The following CBLN2 variants were observed in gnomAD, a reference collection of about 807,000 sequenced individuals.
CBLN2 encodes cerebellin 2 precursor.
Under a neutral mutation model 15.0 loss-of-function variants are expected in CBLN2, and 7 were observed. The observed-to-expected ratio is 0.47, with a 90% CI of 0.27 to 0.88. The LOEUF (loss-of-function observed/expected upper bound fraction) is 0.88. CBLN2 is among the 40% of genes least tolerant of loss of function. CBLN2 has a pLI of 0.14. For missense variants in CBLN2, 242 were observed against 304.5 expected (o/e 0.79, Z 1.53); for synonymous variants, 149 against 135.2 (o/e 1.10, Z -0.71).
At chr18:72,556,320 G>T (rs1385935513) in intron 1 of CBLN2, among the ~76,000 whole-genome samples, 1 of 152,146 alleles carries the variant, frequency 6.6e-6, no homozygotes, top group African/African-American at 2.4e-5. Context: ...AAATAAGAAT[G>T]TCAGGTCTGC....
chr18:72,551,107 A>G (rs1163483693), intron 1 of CBLN2, among the ~76,000 whole-genome samples: 2 of 152,016 alleles, frequency 1.3e-5, no homozygotes, highest in African/African-American at 4.8e-5. Context: ...CTAGTATAGC[A>G]TCTTTACTTT....
intron 1 of CBLN2, among the ~76,000 whole-genome samples, chr18:72,629,057 G>T (rs2069758534): frequency 1.3e-5 from 2 of 152,110 alleles, no homozygotes; most frequent in Non-Finnish European, 2.9e-5. Context: ...CAAACAAAAT[G>T]ACCCCATTTA....
intron 1 of CBLN2, among the ~76,000 whole-genome samples, chr18:72,621,761 C>G (rs1176641758): frequency 6.6e-6 from 1 of 152,134 alleles, no homozygotes; most frequent in Non-Finnish European, 1.5e-5. Context: ...TGTATCAGAG[C>G]CCTGCAAAAT....
At chr18:72,540,239 C>T (rs907315281) in intron 3 of CBLN2, 2 of 152,202 alleles carry the variant, frequency 1.3e-5, no homozygotes, top group Admixed American at 6.5e-5. Context: ...ACTCCTTCAC[C>T]TCAATTTTAC....
intron 1 of CBLN2, among the ~76,000 whole-genome samples, chr18:72,617,848 T>C (rs1180481611): frequency 6.6e-6 from 1 of 152,146 alleles, no homozygotes. Context: ...CACAACCTGG[T>C]ATGCAAAATA....
intron 1 of CBLN2, among the ~76,000 whole-genome samples, chr18:72,591,741 A>T (rs921323605): frequency 6.6e-6 from 1 of 152,174 alleles, no homozygotes; most frequent in Non-Finnish European, 1.5e-5. Context: ...AAGTGAGACC[A>T]TACAAAGTTT....
rs553537643 is a variant in CBLN2, at chr18:72,627,257, C to T, written c.15+11068G>A. Reference sequence around the variant, plus strand: ...AAATATATTCGGGATGCTATTTTGACTGTTTGCTTTTCTTCAGCAAATGTA... The same window carrying T: ...AAATATATTCGGGATGCTATTTTGATTGTTTGCTTTTCTTCAGCAAATGTA... On this transcript the variant is annotated intron_variant, in intron 1 of 2. Transcript: ENST00000581073. Among the ~76,000 whole-genome samples, 65 of 152,134 alleles carry T rather than the reference C, an allele frequency of 4.3e-4. 1 individual carries two copies. The highest frequency in any genetic ancestry group is 8.4e-4 in the Non-Finnish European group (57 of 68,036).
At position 72,542,342 on chromosome 18, in the gene CBLN2, A is replaced by C; in HGVS notation, c.-166-16T>G. 2 of 297,094 alleles carry C rather than the reference A, an allele frequency of 6.7e-6. No individual in the cohort carries two copies. Among genetic ancestry groups the C allele is most frequent in the Admixed American group, 5.3e-5 (1 of 19,034 alleles). The allele number at this position is 297,094 out of a possible 1,614,324, so 18.4% of individuals were successfully genotyped here. On this transcript the variant is annotated splice_polypyrimidine_tract_variant and intron_variant, in intron 2 of 4. Transcript: ENST00000269503. ...GCCTGTGAACCTGTCAGGGCACAGA[A>C]CCCAAAGCCTTACACCGGGAGGTGG... is the stretch of plus-strand genomic sequence containing the variant.
At chr18:72,538,801 A>G in intron 3 of CBLN2, 29 bp from the exon 4 acceptor site, 1 of 1,610,262 alleles carries the variant, frequency 6.2e-7, no homozygotes, top group Non-Finnish European at 8.5e-7. Flanking sequence ...CACAGCACAC[A>G]ATGGCAAGCC....
At chr18:72,552,130 C>T (rs1055091851) in intron 1 of CBLN2, among the ~76,000 whole-genome samples, 4 of 149,830 alleles carry the variant, frequency 2.7e-5, no homozygotes, top group African/African-American at 9.8e-5. Context: ...GACTTTCGCT[C>T]TTTTTGCCCA....
chr18:72,546,900 A>G (rs2069161797), upstream of CBLN2, among the ~76,000 whole-genome samples: 1 of 152,154 alleles, frequency 6.6e-6, no homozygotes, highest in Non-Finnish European at 1.5e-5. Flanking sequence ...TTCTTTGGGT[A>G]TAACCTATCT....
At chr18:72,581,427 T>C (rs953483617) in intron 1 of CBLN2, among the ~76,000 whole-genome samples, 1 of 152,240 alleles carries the variant, frequency 6.6e-6, no homozygotes, top group African/African-American at 2.4e-5. Flanking sequence ...TTATGGATGT[T>C]ATAATAAATT....
intron 1 of CBLN2, among the ~76,000 whole-genome samples, chr18:72,591,723 C>T (rs2069480962): frequency 6.6e-6 from 1 of 152,084 alleles, no homozygotes; most frequent in African/African-American, 2.4e-5. Context: ...TTTTTAGCTC[C>T]CACAAATAAG....
At chr18:72,544,973 CTAA>C (rs3841257), upstream of CBLN2, among the ~76,000 whole-genome samples, 534 of 147,244 alleles carry the variant, frequency 3.6e-3, 1 homozygote, top group Middle Eastern at 0.011. Context: ...TTCTGATAGG[CTAA>C]TAATAATAAT....
chr18:72,548,820 C>T (rs2069174444), upstream of CBLN2, among the ~76,000 whole-genome samples: 1 of 152,130 alleles, frequency 6.6e-6, no homozygotes, highest in African/African-American at 2.4e-5. Flanking sequence ...ACCATAAATG[C>T]ACCCAGGCTG....
chr18:72,618,410 T>C (rs1168437410), intron 1 of CBLN2: 4 of 596,854 alleles, frequency 6.7e-6, no homozygotes, highest in African/African-American at 5.4e-5. Flanking sequence ...TCTTGAGAGA[T>C]CCAAACACCA....
chr18:72,637,756 T>C (rs2069823686), intron 1 of CBLN2, among the ~76,000 whole-genome samples: 1 of 152,210 alleles, frequency 6.6e-6, no homozygotes, highest in Admixed American at 6.5e-5. Context: ...CCACCTCTCC[T>C]GGATCTTTCA....
intron 1 of CBLN2, among the ~76,000 whole-genome samples, chr18:72,563,057 T>C (rs1599000184): frequency 6.6e-6 from 1 of 152,204 alleles, no homozygotes; most frequent in South Asian, 2.1e-4. Context: ...ATATAGATAG[T>C]TACATAGATT....
At chr18:72,611,396 C>A (rs549471369) in intron 1 of CBLN2, among the ~76,000 whole-genome samples, 2 of 152,298 alleles carry the variant, frequency 1.3e-5, no homozygotes, top group Non-Finnish European at 2.9e-5. Flanking sequence ...TGCAGCCTCA[C>A]CAGCATGTAC....
Sources: gnomAD v4.1 joint callset for allele counts (sites outside exome capture counted in the v4.1 genomes callset) on GRCh38, gnomAD v4.1.1 for gene constraint, MANE v1.5 for transcripts, NCBI Gene and HGNC (gene_info 2026-07-23, HGNC 2026-07-21) for gene names.